The following GRID1 variants were observed in gnomAD, a reference collection of about 807,000 sequenced individuals.
The protein encoded by GRID1 is glutamate receptor ionotropic, delta-1.
GRID1 carries 28 observed loss-of-function variants against 98.0 expected under a neutral mutation model. That is an observed-to-expected ratio of 0.29 (90% CI 0.21 to 0.39). The LOEUF is 0.39. Among genes scored for constraint, GRID1 ranks in the 10% least tolerant of loss-of-function variants. GRID1 has a pLI of 1.00. For synonymous variants in GRID1, 553 were observed against 538.5 expected, an observed-to-expected ratio of 1.03 and a Z score of -0.37; for missense variants, 1,111 against 1,340.5, an observed-to-expected ratio of 0.83 and a Z score of 2.67.
intron 12 of GRID1, among the ~76,000 whole-genome samples, chr10:85,669,225 T>C (rs983851248): frequency 3.3e-5 from 5 of 152,128 alleles, no homozygotes; most frequent in Non-Finnish European, 7.4e-5. Context: ...AAATGGGCAG[T>C]GGGTTAAGTA....
chr10:86,109,002 C>T (rs903029673), intron 4 of GRID1, among the ~76,000 whole-genome samples: 2 of 152,186 alleles, frequency 1.3e-5, no homozygotes, highest in African/African-American at 4.8e-5. Context: ...CACTGCAGCC[C>T]AGCCTGCACA....
intron 12 of GRID1, among the ~76,000 whole-genome samples, chr10:85,715,233 A>T (rs1004165137): frequency 6.6e-6 from 1 of 152,108 alleles, no homozygotes; most frequent in Non-Finnish European, 1.5e-5. Flanking sequence ...ACAAAAATCA[A>T]CTCAAAATAA....
At chr10:85,783,391 T>C (rs1842397836) in intron 8 of GRID1, among the ~76,000 whole-genome samples, 1 of 152,172 alleles carries the variant, frequency 6.6e-6, no homozygotes, top group Admixed American at 6.5e-5. Flanking sequence ...AGGTTTATAA[T>C]ATCAAGAAGT....
At chr10:86,343,956 C>T (rs766230665) in intron 2 of GRID1, among the ~76,000 whole-genome samples, 7 of 152,260 alleles carry the variant, frequency 4.6e-5, no homozygotes, top group South Asian at 2.1e-4. Flanking sequence ...TGGGAAAGCA[C>T]GTGGCCACGC....
chr10:85,790,374 G>T (rs1045491268), intron 8 of GRID1, among the ~76,000 whole-genome samples: 10 of 152,248 alleles, frequency 6.6e-5, no homozygotes, highest in Non-Finnish European at 1.3e-4. Flanking sequence ...AGGGGACCTG[G>T]CTCCACACCC....
chr10:86,246,821 G>C (rs1846736076), intron 2 of GRID1, among the ~76,000 whole-genome samples: 1 of 152,240 alleles, frequency 6.6e-6, no homozygotes, highest in South Asian at 2.1e-4. Context: ...CCCCCAGCCA[G>C]TGCTGGCTCC....
At chr10:86,363,616 CA>C (rs1294472476) in intron 2 of GRID1, among the ~76,000 whole-genome samples, 2 of 152,180 alleles carry the variant, frequency 1.3e-5, no homozygotes, top group Non-Finnish European at 2.9e-5. Flanking sequence ...CACCGAGAAA[CA>C]AAGACTGCCC....
chr10:85,678,916 G>A (rs1316420872), intron 12 of GRID1, among the ~76,000 whole-genome samples: 1 of 152,168 alleles, frequency 6.6e-6, no homozygotes, highest in African/African-American at 2.4e-5. Flanking sequence ...AATGGATAAA[G>A]GAGAGGGAAC....
intron 4 of GRID1, among the ~76,000 whole-genome samples, chr10:85,967,240 AAACT>A (rs1290093912): frequency 6.6e-6 from 1 of 152,248 alleles, no homozygotes; most frequent in Non-Finnish European, 1.5e-5. Flanking sequence ...GCATGAGAAC[AAACT>A]AATACAGATA....
Position 85,902,189 on chromosome 10 carries a change from G to A in GRID1, c.780+13997C>T, listed in dbSNP as rs150496468. On this transcript the variant is annotated intron_variant, in intron 5 of 15. Coordinates refer to ENST00000327946, the MANE Select transcript of GRID1 (RefSeq NM_017551.3). ...CAGTGGATGCCTGAAACTGCAGATA[G>A]TACCAAACCCTATATATACTATAGT... Among the ~76,000 whole-genome samples, 289 of 152,312 alleles carry A rather than the reference G, an allele frequency of 1.9e-3. 1 individual carries two copies. The highest frequency in any genetic ancestry group is 7.2e-3 in the South Asian group (35 of 4,832).
chr10:85,726,315 G>T (rs1268222715), intron 10 of GRID1, among the ~76,000 whole-genome samples: 2 of 152,148 alleles, frequency 1.3e-5, no homozygotes, highest in East Asian at 3.9e-4. Context: ...CGGTCTCTGA[G>T]AGACATAGCC....
chr10:85,752,270 C>T (rs1842055335), intron 8 of GRID1, among the ~76,000 whole-genome samples: 1 of 152,172 alleles, frequency 6.6e-6, no homozygotes, highest in Admixed American at 6.5e-5. Flanking sequence ...GAAATGATGA[C>T]TTGCACTCAC....
At chr10:85,838,891 C>T (rs188349899) in intron 8 of GRID1, among the ~76,000 whole-genome samples, 1 of 152,140 alleles carries the variant, frequency 6.6e-6, no homozygotes, top group African/African-American at 2.4e-5. Flanking sequence ...ATGCTGTCTT[C>T]AAGAGACCCA....
At chr10:85,760,975 A>G (rs766349461) in intron 8 of GRID1, among the ~76,000 whole-genome samples, 4 of 152,238 alleles carry the variant, frequency 2.6e-5, no homozygotes, top group African/African-American at 7.2e-5. Flanking sequence ...CTTCAGCACC[A>G]TGCACTGAGA....
intron 5 of GRID1, among the ~76,000 whole-genome samples, chr10:85,904,327 A>G (rs1050737616): frequency 6.6e-6 from 1 of 152,238 alleles, no homozygotes; most frequent in Non-Finnish European, 1.5e-5. Flanking sequence ...GGTGAGTTTT[A>G]TGACTGAACT....
chr10:86,211,300 T>A (rs1771147384), intron 2 of GRID1, among the ~76,000 whole-genome samples: 1 of 152,212 alleles, frequency 6.6e-6, no homozygotes, highest in East Asian at 1.9e-4. Flanking sequence ...AAAGCTGATG[T>A]CTCTCTTGAT....
intron 4 of GRID1, among the ~76,000 whole-genome samples, chr10:85,978,061 A>T (rs553013545): frequency 6.6e-6 from 1 of 152,300 alleles, no homozygotes; most frequent in Admixed American, 6.5e-5. Context: ...CTTTCCAGGG[A>T]TCCTCACATA....
At chr10:85,805,688 T>C (rs1413747775) in intron 8 of GRID1, among the ~76,000 whole-genome samples, 1 of 151,920 alleles carries the variant, frequency 6.6e-6, no homozygotes, top group Non-Finnish European at 1.5e-5. Context: ...CACATATACA[T>C]GCTGAATGCA....
chr10:86,067,324 G>A (rs1644814441), intron 4 of GRID1, among the ~76,000 whole-genome samples: 1 of 152,170 alleles, frequency 6.6e-6, no homozygotes, highest in Non-Finnish European at 1.5e-5. Flanking sequence ...TCCTGAGACA[G>A]CAGCAGCCTG....
Sources: allele counts gnomAD v4.1 joint callset (sites outside exome capture counted in the v4.1 genomes callset), GRCh38; gene constraint gnomAD v4.1.1; transcripts MANE v1.5; gene names NCBI Gene and HGNC (gene_info 2026-07-23, HGNC 2026-07-21).